The following LMBR1 variants were observed in gnomAD, a reference collection of about 807,000 sequenced individuals.
LMBR1 encodes the protein limb development membrane protein 1, also known as limb region 1 protein homolog.
In LMBR1, 52 loss-of-function variants were observed where a neutral mutation model predicts 73.9. That is an observed-to-expected ratio of 0.70 (90% CI 0.56 to 0.89). The LOEUF (loss-of-function observed/expected upper bound fraction) is 0.89, where lower values mean the gene tolerates loss of function less well. LMBR1 is among the 40% of genes least tolerant of loss of function. The pLI, the probability that LMBR1 is intolerant of heterozygous loss-of-function variation, is 0.00. For synonymous variants in LMBR1, 215 were observed against 209.4 expected (o/e 1.03, Z -0.23); for missense variants, 539 against 579.8 (o/e 0.93, Z 0.72).
chr7:156,870,583 G>A (rs1799127960), intron 1 of LMBR1, among the ~76,000 whole-genome samples: 1 of 152,028 alleles, frequency 6.6e-6, no homozygotes, highest in Admixed American at 6.6e-5. Context: ...GGCTAACACG[G>A]TGAAACCCCA....
intron 5 of LMBR1, among the ~76,000 whole-genome samples, chr7:156,771,827 A>C (rs1252837582): frequency 6.6e-6 from 1 of 152,248 alleles, no homozygotes; most frequent in Non-Finnish European, 1.5e-5. Flanking sequence ...CACAGATGCA[A>C]AATCCTCAAC....
chr7:156,797,232 A>G (rs933021370), intron 4 of LMBR1, among the ~76,000 whole-genome samples: 1 of 152,236 alleles, frequency 6.6e-6, no homozygotes, highest in Non-Finnish European at 1.5e-5. Context: ...GGCAAGTAAA[A>G]TAAGAACAGA....
chr7:156,738,468 G>A (rs1818300643), intron 9 of LMBR1, among the ~76,000 whole-genome samples: 1 of 152,162 alleles, frequency 6.6e-6, no homozygotes, highest in Non-Finnish European at 1.5e-5. Context: ...AGAGCCAGTG[G>A]ACTAGGGCAG....
downstream of LMBR1, chr7:156,676,403 G>A (rs371058480): frequency 9.9e-6 from 16 of 1,613,922 alleles, no homozygotes; most frequent in African/African-American, 4.0e-5. Flanking sequence ...GCCTCTTCCC[G>A]TCCTGTGTGC....
chr7:156,799,724 C>CA (rs111605948), intron 4 of LMBR1, among the ~76,000 whole-genome samples: 4,266 of 152,254 alleles, frequency 0.028, 206 homozygotes, highest in African/African-American at 0.098. Flanking sequence ...GAAGGCATGT[C>CA]AAAAAATGAG....
At chr7:156,776,076 T>G (rs912357261) in intron 5 of LMBR1, among the ~76,000 whole-genome samples, 284 of 148,514 alleles carry the variant, frequency 1.9e-3, no homozygotes, top group African/African-American at 6.6e-3. Context: ...TATATGTAAA[T>G]TATACATATT....
At chr7:156,892,290 G>A (rs1445554217) in intron 1 of LMBR1, among the ~76,000 whole-genome samples, 1 of 152,230 alleles carries the variant, frequency 6.6e-6, no homozygotes, top group Admixed American at 6.5e-5. Context: ...CGTGGGGGCT[G>A]GGGGAGATGA....
chr7:156,676,248 T>C (rs1005568959), downstream of LMBR1: 5 of 1,533,438 alleles, frequency 3.3e-6, no homozygotes, highest in South Asian at 3.6e-5. Context: ...TGTGTGTGTA[T>C]ATATATATGT....
chr7:156,839,637 T>G (rs1838292281), intron 1 of LMBR1, among the ~76,000 whole-genome samples: 1 of 152,166 alleles, frequency 6.6e-6, no homozygotes, highest in South Asian at 2.1e-4. Flanking sequence ...TGGACCAGGA[T>G]AGTGGACATT....
rs566853777 is a variant in LMBR1, at chr7:156,682,686, T to C, written c.*1392A>G. ...AGTTTCTTATTATTTTGGTTTAAAG[T>C]GGAAATTTCTGATGTCAAATAGACA... On this transcript the variant is annotated 3_prime_UTR_variant, in exon 17 of 17. Coordinates refer to ENST00000353442, the MANE Select transcript of LMBR1 (RefSeq NM_022458.4). The C allele has an allele frequency of 3.8e-4, 58 of 152,358 alleles. No individual in the cohort carries two copies. Among genetic ancestry groups the C allele is most frequent in the African/African-American group, 1.4e-3 (58 of 41,588 alleles). 9.4% of individuals were successfully genotyped at this position (152,358 alleles called of 1,614,324 possible).
At chr7:156,750,421 CTTGATTACTCA>C (rs1005965570) in intron 9 of LMBR1, among the ~76,000 whole-genome samples, 39 of 152,148 alleles carry the variant, frequency 2.6e-4, no homozygotes, top group African/African-American at 8.0e-4. Context: ...AGAAATGGTT[CTTGATTACTCA>C]TATTCCATGG....
At chr7:156,737,720 T>TTTTTTTTTTTTTTTTTTTTTTTTTTTTGA (rs1818143379) in intron 9 of LMBR1, among the ~76,000 whole-genome samples, 2 of 152,020 alleles carry the variant, frequency 1.3e-5, no homozygotes, top group Non-Finnish European at 1.5e-5. Context: ...CCCATTTTTA[T>TTTTTTTTTTTTTTTTTTTTTTTTTTTTGA]GGAACCTGGT....
intron 15 of LMBR1, among the ~76,000 whole-genome samples, chr7:156,696,214 A>C (rs959306341): frequency 4.6e-5 from 7 of 152,256 alleles, no homozygotes; most frequent in African/African-American, 1.7e-4. Context: ...AATAAATTTG[A>C]CTTCATCAAA....
At chr7:156,860,899 G>A (rs923038555) in intron 1 of LMBR1, among the ~76,000 whole-genome samples, 16 of 152,220 alleles carry the variant, frequency 1.1e-4, no homozygotes, top group Admixed American at 1.3e-4. Context: ...GGGCAGCTCC[G>A]CCCCTGTGGC....
intron 15 of LMBR1, among the ~76,000 whole-genome samples, chr7:156,708,182 G>A (rs549033673): frequency 2.6e-4 from 39 of 152,260 alleles, no homozygotes; most frequent in African/African-American, 7.7e-4. Flanking sequence ...AGAACAGTGC[G>A]CGGAGACTCA....
intron 4 of LMBR1, among the ~76,000 whole-genome samples, chr7:156,800,838 T>C (rs1830840898): frequency 6.6e-6 from 1 of 152,150 alleles, no homozygotes. Context: ...GGGTTTGAGA[T>C]GTCAGTGGAG....
intron 4 of LMBR1, among the ~76,000 whole-genome samples, chr7:156,798,877 T>G (rs746514010): frequency 5.3e-5 from 8 of 152,034 alleles, no homozygotes; most frequent in Non-Finnish European, 1.0e-4. Context: ...TATCTCATAG[T>G]CTTTTTAAAA....
intron 9 of LMBR1, among the ~76,000 whole-genome samples, chr7:156,754,945 A>G (rs1166309618): frequency 6.6e-6 from 1 of 152,234 alleles, no homozygotes; most frequent in Non-Finnish European, 1.5e-5. Context: ...AACCAGCAGC[A>G]AACAGCAAAA....
chr7:156,701,361 A>C (rs1374860472), intron 15 of LMBR1, among the ~76,000 whole-genome samples: 2 of 152,276 alleles, frequency 1.3e-5, no homozygotes, highest in African/African-American at 2.4e-5. Flanking sequence ...AGTACTATTC[A>C]ACAATAAAAA....
Sources: allele counts gnomAD v4.1 joint callset (sites outside exome capture counted in the v4.1 genomes callset), GRCh38; gene constraint gnomAD v4.1.1; transcripts MANE v1.5; gene names NCBI Gene and HGNC (gene_info 2026-07-23, HGNC 2026-07-21).